The following ITGB1BP1 variants were observed in gnomAD, a reference collection of about 807,000 sequenced individuals.
ITGB1BP1 encodes the protein integrin beta-1-binding protein 1.
ITGB1BP1 carries 20 observed loss-of-function variants against 28.0 expected under a neutral mutation model. That is an observed-to-expected ratio of 0.71 (90% confidence interval 0.50 to 1.04). The LOEUF (loss-of-function observed/expected upper bound fraction) is 1.04, where lower values mean the gene tolerates loss of function less well. ITGB1BP1 is among the 50% of genes least tolerant of loss of function. The pLI is 0.00. For synonymous variants in ITGB1BP1, 103 were observed against 89.5 expected (o/e 1.15, Z -0.85); for missense variants, 228 against 242.5 (o/e 0.94, Z 0.40).
At chr2:9,419,997 T>G in intron 1 of ITGB1BP1, 1 of 918,778 alleles carries the variant, frequency 1.1e-6, no homozygotes, top group Non-Finnish European at 1.3e-6. Context: ...TACTATAGAA[T>G]TGAACACTAT....
At position 9,414,263 on chromosome 2, in the gene ITGB1BP1, A is replaced by G. The variant is rs991360257; in HGVS notation, c.73-7T>C. The stretch of plus-strand genomic sequence containing the variant: ...CAAGGCTAGAATCCACAGACTGAGA[A>G]ACAGAAAAACAAGTAAAAAACCTCC... On this transcript the variant is annotated splice_polypyrimidine_tract_variant and splice_region_variant and intron_variant, in intron 2 of 6. Transcript: ENST00000355346. The G allele has an allele frequency of 6.2e-7, 1 of 1,612,592 alleles. No homozygotes were observed.
At chr2:9,412,167 G>C in intron 4 of ITGB1BP1, 102 bp downstream of exon 4, 1 of 964,330 alleles carries the variant, frequency 1.0e-6, no homozygotes, top group Non-Finnish European at 1.6e-6. Flanking sequence ...AGCAAGCGGA[G>C]CGGCACCCAG....
intron 1 of ITGB1BP1, 77 bp downstream of exon 1, chr2:9,423,296 C>T: frequency 1.6e-6 from 2 of 1,220,356 alleles, no homozygotes; most frequent in South Asian, 1.4e-5. Flanking sequence ...CCTGGCCGTC[C>T]GCGCCGCTCT....
intron 2 of ITGB1BP1, among the ~76,000 whole-genome samples, chr2:9,417,391 G>C (rs1163120473): frequency 1.3e-5 from 2 of 150,758 alleles, no homozygotes; most frequent in African/African-American, 4.9e-5. Flanking sequence ...TTCTCGGGAG[G>C]AGGGGCAGAA....
At chr2:9,423,343 C>A in intron 1 of ITGB1BP1, 30 bp downstream of exon 1, 1 of 1,210,938 alleles carries the variant, frequency 8.3e-7, no homozygotes, top group South Asian at 1.4e-5. Context: ...GCGAGCTCGG[C>A]CCCAAGCGGG....
chr2:9,413,830 A>G (rs975865040), intron 3 of ITGB1BP1, among the ~76,000 whole-genome samples: 1 of 152,162 alleles, frequency 6.6e-6, no homozygotes, highest in African/African-American at 2.4e-5. Flanking sequence ...AGTCCAATGG[A>G]ATTCATCTTC....
chr2:9,419,574 A>G (rs1679541929), intron 1 of ITGB1BP1, among the ~76,000 whole-genome samples: 3 of 152,182 alleles, frequency 2.0e-5, no homozygotes, highest in South Asian at 2.1e-4. Flanking sequence ...TGCCTCCCAG[A>G]GTCTGTGTTA....
At chr2:9,407,621 CGA>C (rs778547540) in intron 5 of ITGB1BP1, 23 bp from the exon 6 acceptor site, 3 of 1,613,420 alleles carry the variant, frequency 1.9e-6, no homozygotes, top group Admixed American at 1.7e-5. Context: ...GGAAAGATTC[CGA>C]GAGATCAGGA....
At position 9,416,333 on chromosome 2, in the gene ITGB1BP1, C is replaced by T. The variant is rs545048950; in HGVS notation, c.73-2077G>A. On this transcript the variant is annotated intron_variant, in intron 2 of 6. Transcript: ENST00000355346. ...GGTCAAATACAAGTCTAGACATTGC[C>T]GTGAAGGTGTTTCTTTAAATGAGAT... Among the ~76,000 whole-genome samples the T allele has an allele frequency of 4.0e-4, 61 of 152,200 alleles. 2 individuals carry two copies. In the South Asian group the frequency reaches 0.012, roughly 30 times the overall value.
chr2:9,407,333 C>T (rs1677611372), intron 6 of ITGB1BP1, 116 bp downstream of exon 6: 2 of 1,197,058 alleles, frequency 1.7e-6, no homozygotes, highest in East Asian at 4.9e-5. Context: ...ATTCACTATC[C>T]CCAGGCCAAG....
chr2:9,411,949 G>A (rs1678461314), intron 4 of ITGB1BP1: 1 of 225,890 alleles, frequency 4.4e-6, no homozygotes, highest in African/African-American at 2.4e-5. Context: ...GGCTGAGGCA[G>A]GAGAATTGCT....
intron 1 of ITGB1BP1, chr2:9,422,914 C>T: frequency 1.0e-6 from 1 of 986,220 alleles, no homozygotes; most frequent in Non-Finnish European, 1.2e-6. Flanking sequence ...AAGCTCGGGG[C>T]CTAGGGAGAG....
intron 2 of ITGB1BP1, among the ~76,000 whole-genome samples, 167 bp from the exon 3 acceptor site, chr2:9,414,423 TAACA>T (rs1678864953): frequency 6.6e-6 from 1 of 151,966 alleles, no homozygotes; most frequent in Non-Finnish European, 1.5e-5. Context: ...ACAAATTCTG[TAACA>T]AACTTCAAAA....
chr2:9,412,236 T>G, intron 4 of ITGB1BP1, 33 bp downstream of exon 4: 1 of 1,583,724 alleles, frequency 6.3e-7, no homozygotes. Flanking sequence ...CAGACTCTCA[T>G]AACCAGAGAG....
chr2:9,405,593 A>G lies in ITGB1BP1; in HGVS notation c.*1241T>C, dbSNP rs1677159965. 1 of 152,630 alleles carries G rather than the reference A, an allele frequency of 6.6e-6. No homozygotes were observed. Among genetic ancestry groups the G allele is most frequent in the Admixed American group, 6.5e-5 (1 of 15,282 alleles). The allele number at this position is 152,630 out of a possible 1,614,324, so 9.5% of individuals were successfully genotyped here. A position where few individuals can be genotyped will look rare whatever the true frequency, so the allele number is the denominator to read the frequency against. On this transcript the variant is annotated 3_prime_UTR_variant, in exon 7 of 7. Coordinates refer to ENST00000355346, the MANE Select transcript of ITGB1BP1 (RefSeq NM_004763.5). ...TATTTTCATTGTCCTTAATGCAGTG[A>G]TTTATAATTAGAGCATGTTTAATAA...
intron 4 of ITGB1BP1, among the ~76,000 whole-genome samples, chr2:9,409,846 T>G (rs114748566): frequency 0.17 from 25,135 of 148,746 alleles, 2,258 homozygotes; most frequent in Middle Eastern, 0.3. Context: ...GAGTTCTTTT[T>G]TTTTTTTTTT....
intron 4 of ITGB1BP1, among the ~76,000 whole-genome samples, chr2:9,409,890 G>A (rs979325214): frequency 3.3e-5 from 5 of 149,324 alleles, no homozygotes; most frequent in African/African-American, 1.2e-4. Flanking sequence ...TGTTGCCCAG[G>A]CTGGAGTGCA....
rs181474697 is a variant in ITGB1BP1, at chr2:9,404,022, G to T, written c.*2812C>A. ...ATTCTGTTCCAGGTTATATAAAACT[G>T]CATTTCCTGAATTTGGTTAAAAACT... On this transcript the variant is annotated 3_prime_UTR_variant, in exon 7 of 7. Transcript: ENST00000355346. 7 of 152,322 alleles carry T rather than the reference G, an allele frequency of 4.6e-5. No individual in the cohort carries two copies. The highest frequency in any genetic ancestry group is 3.9e-4 in the Admixed American group (6 of 15,300). The allele number at this position is 152,322 out of a possible 1,614,324, so 9.4% of individuals were successfully genotyped here. A position where few individuals can be genotyped will look rare whatever the true frequency, so the allele number is the denominator to read the frequency against.
At position 9,406,819 on chromosome 2, in the gene ITGB1BP1, A is replaced by C. The variant is rs756054482; in HGVS notation, c.*15T>G. On this transcript the variant is annotated 3_prime_UTR_variant, in exon 7 of 7. Transcript: ENST00000355346. ...GAACTTTCAGATGAAGTTGACTTCT[A>C]CTTGATTGCAGGATTCAGGGTTTCT... The C allele has an allele frequency of 1.9e-6, 3 of 1,575,248 alleles. No homozygotes were observed. The highest frequency in any genetic ancestry group is 1.7e-6 in the Non-Finnish European group (2 of 1,144,554).
Sources: allele counts gnomAD v4.1 joint callset (sites outside exome capture counted in the v4.1 genomes callset), GRCh38; gene constraint gnomAD v4.1.1; transcripts MANE v1.5; gene names NCBI Gene and HGNC (gene_info 2026-07-23, HGNC 2026-07-21).